DPP6: variants seen among roughly 807,000 people sequenced by gnomAD.
The protein encoded by DPP6 is A-type potassium channel modulatory protein DPP6.
Under a neutral mutation model 122.6 loss-of-function variants are expected in DPP6, and 69 were observed. That is an observed-to-expected ratio of 0.56 (90% CI 0.46 to 0.69). The LOEUF is 0.69. Ranked by LOEUF, DPP6 falls within the 30% of genes least tolerant of loss-of-function variation. The pLI is 0.00. For missense variants in DPP6, 928 were observed against 1,116.9 expected (o/e 0.83, Z 2.41); for synonymous variants, 418 against 433.1 (o/e 0.97, Z 0.43).
intron 1 of DPP6, among the ~76,000 whole-genome samples, chr7:154,188,645 T>TGG (rs1563294973): frequency 6.6e-6 from 1 of 152,192 alleles, no homozygotes; most frequent in African/African-American, 2.4e-5. Context: ...GAGCTTTTCA[T>TGG]TATGCTTTCC....
chr7:154,263,784 A>T lies in DPP6; in HGVS notation c.244-182430A>T, dbSNP rs183512786. ...CTCCCTGCAAGCTCTGCAACCTACCAGGTTCAAGTGATTCTCCTGCCTCAG... is the reference window on the plus strand; with the variant it reads ...CTCCCTGCAAGCTCTGCAACCTACCTGGTTCAAGTGATTCTCCTGCCTCAG... On this transcript the variant is annotated intron_variant, in intron 1 of 25. Coordinates refer to ENST00000377770, the MANE Select transcript of DPP6 (RefSeq NM_130797.4). Among the ~76,000 whole-genome samples, 58 of 152,184 alleles carry T rather than the reference A, an allele frequency of 3.8e-4. No homozygotes were observed. In the East Asian group the frequency reaches 0.011, roughly 28 times the overall value.
chr7:153,772,041 T>C, the DPP6 span, among the ~76,000 whole-genome samples: 1 of 152,128 alleles, frequency 6.6e-6, no homozygotes. Flanking sequence ...AACAGTACGT[T>C]CCCAGTTCCT....
At chr7:154,340,754 A>G (rs1397717058) in intron 1 of DPP6, among the ~76,000 whole-genome samples, 5 of 152,202 alleles carry the variant, frequency 3.3e-5, no homozygotes, top group Non-Finnish European at 7.3e-5. Flanking sequence ...ATTGCAATTA[A>G]TACAGCCACC....
intron 1 of DPP6, among the ~76,000 whole-genome samples, chr7:154,009,162 C>A: frequency 1.4e-5 from 1 of 69,100 alleles, no homozygotes; most frequent in Non-Finnish European, 2.8e-5. Flanking sequence ...GGTTGTGTTT[C>A]TTCTCACTTT....
chr7:153,894,740 C>T (rs941456784), intron 1 of DPP6, among the ~76,000 whole-genome samples: 2 of 152,174 alleles, frequency 1.3e-5, no homozygotes, highest in Admixed American at 1.3e-4. Flanking sequence ...TCCACTGCTT[C>T]AAAATGCAGT....
At chr7:153,963,499 G>T (rs1795467808) in intron 1 of DPP6, among the ~76,000 whole-genome samples, 1 of 147,590 alleles carries the variant, frequency 6.8e-6, no homozygotes, top group African/African-American at 2.5e-5. Flanking sequence ...AGAGCACCCA[G>T]GTACTCTTTC....
intron 7 of DPP6, among the ~76,000 whole-genome samples, chr7:154,674,740 T>C (rs958722292): frequency 2.0e-5 from 3 of 152,176 alleles, no homozygotes; most frequent in African/African-American, 4.8e-5. Context: ...AGTGGAGTAG[T>C]TAGCCGGGAA....
chr7:154,164,341 C>T (rs1224179763), intron 1 of DPP6, among the ~76,000 whole-genome samples: 4 of 150,808 alleles, frequency 2.7e-5, no homozygotes, highest in African/African-American at 9.7e-5. Context: ...ATTTTTCAAA[C>T]AGTGCCAAAA....
chr7:154,621,529 C>T (rs1162228021), intron 5 of DPP6, among the ~76,000 whole-genome samples: 8 of 150,340 alleles, frequency 5.3e-5, no homozygotes, highest in Admixed American at 2.6e-4. Context: ...CCACCACACC[C>T]AGCTAATTTT....
intron 1 of DPP6, among the ~76,000 whole-genome samples, chr7:154,440,904 T>G (rs1363178985): frequency 1.3e-5 from 2 of 152,144 alleles, no homozygotes; most frequent in African/African-American, 4.8e-5. Flanking sequence ...ATTGCTCCAG[T>G]CTTCTCCTGC....
At position 153,910,234 on chromosome 7, in the gene DPP6, C is replaced by CTTTTTTCTTTTTTTTTTT. The variant is rs750065238; in HGVS notation, c.51+22506_51+22507insCTTTTTTTTTTTTTTTTT. Among the ~76,000 whole-genome samples, 42 of 137,732 alleles carry CTTTTTTCTTTTTTTTTTT rather than the reference C, an allele frequency of 3.0e-4. 2 individuals are homozygous for CTTTTTTCTTTTTTTTTTT. Among genetic ancestry groups the CTTTTTTCTTTTTTTTTTT allele is most frequent in the Middle Eastern group, 7.6e-3 (2 of 264 alleles). The allele number at this position is 137,732 out of a possible 152,430, so 90.4% of individuals were successfully genotyped here. The stretch of plus-strand genomic sequence containing the variant: ...ACTTTTTTGACCACTTTCTTTCTTT[C>CTTTTTTCTTTTTTTTTTT]TTTTTTTTTTTTTGAGATGGAGTCT... On this transcript the variant is annotated intron_variant, in intron 1 of 25. Coordinates refer to the DPP6 transcript ENST00000404039.
chr7:154,210,404 T>A (rs1034149673), intron 1 of DPP6, among the ~76,000 whole-genome samples: 1 of 152,182 alleles, frequency 6.6e-6, no homozygotes, highest in Non-Finnish European at 1.5e-5. Flanking sequence ...GGCTGCAGAA[T>A]TGAGTGCCAG....
intron 1 of DPP6, among the ~76,000 whole-genome samples, chr7:154,405,637 GC>G (rs1816023294): frequency 6.6e-6 from 1 of 152,088 alleles, no homozygotes; most frequent in Admixed American, 6.6e-5. Context: ...GCTGAACAGG[GC>G]CAGGCAGTGT....
At chr7:154,477,707 G>A (rs545420237) in intron 3 of DPP6, among the ~76,000 whole-genome samples, 2 of 152,146 alleles carry the variant, frequency 1.3e-5, no homozygotes, top group South Asian at 2.1e-4. Flanking sequence ...CTTTATATCC[G>A]CAAAGCTGGG....
rs545015188 is a variant in DPP6, at chr7:154,492,489, C to T, written c.457+17452C>T. On this transcript the variant is annotated intron_variant, in intron 3 of 25. Transcript: ENST00000377770. ...TCCAAAGCCTGCTTTCTCCTTCTCG[C>T]CTCACCTCTGCTGGCTTCTGGAGCT... Among the ~76,000 whole-genome samples the T allele has an allele frequency of 5.5e-4, 84 of 152,338 alleles. 2 individuals carry two copies. The highest frequency in any genetic ancestry group is 5.0e-3 in the Admixed American group (76 of 15,306).
At chr7:154,834,693 G>A (rs1010494862) in intron 16 of DPP6, among the ~76,000 whole-genome samples, 6 of 152,232 alleles carry the variant, frequency 3.9e-5, no homozygotes, top group Non-Finnish European at 8.8e-5. Flanking sequence ...ACCTTCACTA[G>A]ACCCTGCCTC....
intron 1 of DPP6, among the ~76,000 whole-genome samples, chr7:154,117,436 G>A (rs950335474): frequency 6.6e-6 from 1 of 152,050 alleles, no homozygotes; most frequent in African/African-American, 2.4e-5. Context: ...TCTTTTAGGG[G>A]GAAGGGAACC....
chr7:154,857,917 C>T (rs1469570168), intron 17 of DPP6, among the ~76,000 whole-genome samples: 1 of 152,216 alleles, frequency 6.6e-6, no homozygotes, highest in African/African-American at 2.4e-5. Flanking sequence ...CCAGGAGCAA[C>T]ACAAAGGCAG....
the DPP6 span, among the ~76,000 whole-genome samples, chr7:153,794,894 C>T: frequency 3.2e-4 from 49 of 152,202 alleles, no homozygotes; most frequent in South Asian, 8.3e-3. Context: ...TTTCTCTCGC[C>T]GCCATCATGT....
Sources: allele counts gnomAD v4.1 joint callset (sites outside exome capture counted in the v4.1 genomes callset), GRCh38; gene constraint gnomAD v4.1.1; transcripts MANE v1.5; gene names NCBI Gene and HGNC (gene_info 2026-07-23, HGNC 2026-07-21).